Variants in NCOA7 observed in about 807,000 individuals in gnomAD.
The protein encoded by NCOA7 is 140 kDa estrogen receptor-associated protein.
A neutral mutation model predicts 104.3 loss-of-function variants in NCOA7; 45 were observed. That is an observed-to-expected ratio of 0.43 (90% CI 0.34 to 0.55). The LOEUF (loss-of-function observed/expected upper bound fraction) is 0.55, where lower values mean the gene tolerates loss of function less well. Among genes scored for constraint, NCOA7 ranks in the 20% least tolerant of loss-of-function variants. The pLI is 0.02. For missense variants in NCOA7, 1,041 were observed against 1,119.7 expected (o/e 0.93, Z 1.00); for synonymous variants, 398 against 402.3 (o/e 0.99, Z 0.13).
At chr6:125,894,126 T>A (rs1200625681) in intron 10 of NCOA7, among the ~76,000 whole-genome samples, 1 of 150,378 alleles carries the variant, frequency 6.6e-6, no homozygotes. Context: ...TTCTCAACCT[T>A]AACACTATTG....
Position 125,890,718 on chromosome 6 carries a change from A to G in NCOA7, c.2004A>G (p.Arg668=). 6.2e-7 allele frequency: 1 copy of G among 1,613,908 alleles called. No individual in the cohort carries two copies. Among genetic ancestry groups the G allele is most frequent in the African/African-American group, 1.3e-5 (1 of 75,016 alleles). ...FLCIKVGKPM[R]KSFATHTAAM... Reference sequence around the variant, plus strand: ...GCATCAAAGTGGGAAAACCAATGAGAAAATCCTTTGCCACTCACACTGCAG... The same window carrying G: ...GCATCAAAGTGGGAAAACCAATGAGGAAATCCTTTGCCACTCACACTGCAG... Residue 668 remains arginine (R), a synonymous_variant, in exon 10 of 16, where the codon AGA becomes AGG. Transcript: ENST00000392477.
intron 2 of NCOA7, among the ~76,000 whole-genome samples, chr6:125,837,111 G>A (rs17053599): frequency 1.1e-4 from 16 of 152,098 alleles, no homozygotes; most frequent in South Asian, 1.0e-3. Flanking sequence ...TGTGTAAAGC[G>A]ACTTTGCTTG....
chr6:125,907,303 G>A (rs756303773), intron 10 of NCOA7, among the ~76,000 whole-genome samples: 5 of 152,178 alleles, frequency 3.3e-5, no homozygotes, highest in South Asian at 4.1e-4. Flanking sequence ...TCTCACCTCC[G>A]CTGAGGCTGC....
intron 10 of NCOA7, among the ~76,000 whole-genome samples, chr6:125,914,243 T>G (rs935378846): frequency 1.3e-5 from 2 of 152,234 alleles, no homozygotes; most frequent in African/African-American, 2.4e-5. Flanking sequence ...TAATTATGGT[T>G]TATTAACTTC....
intron 10 of NCOA7, among the ~76,000 whole-genome samples, chr6:125,897,008 A>T (rs867037668): frequency 6.6e-6 from 1 of 152,270 alleles, no homozygotes; most frequent in African/African-American, 2.4e-5. Flanking sequence ...TTTAGAAAGC[A>T]TGATAAGTTA....
At chr6:125,849,234 A>C (rs1467824936) in intron 2 of NCOA7, among the ~76,000 whole-genome samples, 1 of 152,236 alleles carries the variant, frequency 6.6e-6, no homozygotes, top group Non-Finnish European at 1.5e-5. Context: ...TTCTGCAGTC[A>C]GTCGGCTAAC....
intron 10 of NCOA7, among the ~76,000 whole-genome samples, chr6:125,902,571 G>A (rs1322491158): frequency 1.3e-5 from 2 of 151,842 alleles, no homozygotes; most frequent in East Asian, 3.9e-4. Context: ...CAATAAACTA[G>A]ATTGTAATTT....
chr6:125,833,666 G>C (rs985545860), intron 2 of NCOA7, among the ~76,000 whole-genome samples: 4 of 152,156 alleles, frequency 2.6e-5, no homozygotes, highest in African/African-American at 9.7e-5. Context: ...GTGGTGGCAA[G>C]GGGTGCTTTG....
intron 8 of NCOA7, among the ~76,000 whole-genome samples, chr6:125,885,847 A>G (rs1399844164): frequency 6.6e-6 from 1 of 152,188 alleles, no homozygotes; most frequent in Admixed American, 6.5e-5. Context: ...TGCTGTGAAG[A>G]GGGAGTAATA....
At chr6:125,893,717 G>C (rs1158054864) in intron 10 of NCOA7, among the ~76,000 whole-genome samples, 1 of 152,146 alleles carries the variant, frequency 6.6e-6, no homozygotes, top group African/African-American at 2.4e-5. Context: ...CTAAGTTTTA[G>C]ATACTAGAAA....
At chr6:125,806,719 A>G (rs927256144) in intron 1 of NCOA7, among the ~76,000 whole-genome samples, 6 of 152,108 alleles carry the variant, frequency 3.9e-5, no homozygotes, top group African/African-American at 1.4e-4. Context: ...GTACTTGGGA[A>G]TTTCGTATCT....
Position 125,830,737 on chromosome 6 carries a change from A to ATGTGTGTGTGTG in NCOA7, c.50+15345_50+15356dup, listed in dbSNP as rs890797445. ...CTATATATTTTATATATATATATATATGTGTGTGTGTGTGTGTGTGTGTAT... is the reference window on the plus strand; with the variant it reads ...CTATATATTTTATATATATATATATATGTGTGTGTGTGTGTGTGTGTGTGTGTGTGTGTGTAT... On this transcript the variant is annotated intron_variant, in intron 2 of 15. Coordinates refer to ENST00000392477, the MANE Select transcript of NCOA7 (RefSeq NM_181782.5). Among the ~76,000 whole-genome samples, 10 of 93,054 alleles carry ATGTGTGTGTGTG rather than the reference A, an allele frequency of 1.1e-4. No individual in the cohort carries two copies. In the South Asian group the frequency reaches 1.5e-3, roughly 14 times the overall value. The allele number at this position is 93,054 out of a possible 152,430, so 61.0% of individuals were successfully genotyped here.
intron 13 of NCOA7, among the ~76,000 whole-genome samples, chr6:125,927,186 A>T (rs1345195949): frequency 6.6e-6 from 1 of 152,240 alleles, no homozygotes; most frequent in Non-Finnish European, 1.5e-5. Context: ...TTACAAATCA[A>T]AAGAAAGGAA....
chr6:125,851,619 A>G (rs2128616335), intron 2 of NCOA7, among the ~76,000 whole-genome samples: 1 of 152,342 alleles, frequency 6.6e-6, no homozygotes. Flanking sequence ...ATACCCAGTA[A>G]TGCAATTGCT....
At chr6:125,862,753 C>T (rs760089464) in intron 3 of NCOA7, among the ~76,000 whole-genome samples, 1 of 138,702 alleles carries the variant, frequency 7.2e-6, no homozygotes, top group Admixed American at 6.8e-5. Context: ...CCTATAATCA[C>T]AGCACTTTGG....
chr6:125,811,915 T>C (rs887337553), intron 1 of NCOA7, among the ~76,000 whole-genome samples: 2 of 152,160 alleles, frequency 1.3e-5, no homozygotes, highest in African/African-American at 4.8e-5. Context: ...TTCTAGCTCA[T>C]CTCCAAATGC....
intron 2 of NCOA7, among the ~76,000 whole-genome samples, chr6:125,839,965 TA>T (rs992303514): frequency 6.7e-4 from 97 of 145,534 alleles, no homozygotes; most frequent in Admixed American, 7.5e-4. Context: ...TTCTGATTAT[TA>T]AAAAAAAAAA....
chr6:125,919,394 T>G, intron 11 of NCOA7: 1 of 1,612,794 alleles, frequency 6.2e-7, no homozygotes, highest in Non-Finnish European at 8.5e-7. Context: ...ATCCAGATTT[T>G]CTATTGTGCC....
rs1003420154 is a variant in NCOA7 at position 125,863,649 on chromosome 6, A to G, written c.271+8409A>G. ...ATTCTGTCTTCGGCCTGCTCGATCC[A>G]CAAAATACCATATAACTGAGTGGCT... On this transcript the variant is annotated intron_variant, in intron 3 of 15. Transcript: ENST00000392477. Among the ~76,000 whole-genome samples, 17 of 138,304 alleles carry G rather than the reference A, an allele frequency of 1.2e-4. 4 individuals carry two copies. The highest frequency in any genetic ancestry group is 5.1e-4 in the African/African-American group (17 of 33,226). The allele number at this position is 138,304 out of a possible 152,430, so 90.7% of individuals were successfully genotyped here. A position where few individuals can be genotyped will look rare whatever the true frequency, so the allele number is the denominator to read the frequency against.
Sources: allele counts gnomAD v4.1 joint callset (sites outside exome capture counted in the v4.1 genomes callset), GRCh38; gene constraint gnomAD v4.1.1; transcripts MANE v1.5; gene names NCBI Gene and HGNC (gene_info 2026-07-23, HGNC 2026-07-21).